Variants in PHF20L1 observed in about 807,000 individuals in gnomAD.
PHF20L1 encodes PHD finger protein 20-like protein 1.
A neutral mutation model predicts 125.5 loss-of-function variants in PHF20L1; 44 were observed. That is an observed-to-expected ratio of 0.35 (90% CI 0.28 to 0.45). The LOEUF is 0.45. PHF20L1 is among the 20% of genes least tolerant of loss of function. The probability of loss-of-function intolerance (pLI) is 1.00; values close to 1 mark genes in which losing one functional copy is unlikely to be tolerated. For missense variants in PHF20L1, 1,012 were observed against 1,217.2 expected (o/e 0.83, Z 2.51); for synonymous variants, 380 against 403.1 (o/e 0.94, Z 0.69).
intron 6 of PHF20L1, 119 bp from the exon 7 acceptor site, chr8:132,803,694 CTATATT>C (rs1262503428): frequency 8.2e-6 from 5 of 608,650 alleles, no homozygotes; most frequent in South Asian, 6.4e-5. Flanking sequence ...ATTGTTATCT[CTATATT>C]TATGTTTATG....
intron 18 of PHF20L1, chr8:132,841,916 G>A (rs1837974785): frequency 1.3e-5 from 2 of 152,164 alleles, no homozygotes; most frequent in Admixed American, 1.3e-4. Context: ...TAGAGTAAAA[G>A]TAAGGGAAAT....
rs1354645741 is a variant in PHF20L1 at position 132,842,286 on chromosome 8, C to T, written c.2388-229C>T. On this transcript the variant is annotated intron_variant, in intron 18 of 20. Coordinates refer to ENST00000395386, the MANE Select transcript of PHF20L1 (RefSeq NM_016018.5). ...TGCATGTATCAAATGATGATGTGAACTATCAACACAATTAAATTTGTTATT... is the reference window on the plus strand; with the variant it reads ...TGCATGTATCAAATGATGATGTGAATTATCAACACAATTAAATTTGTTATT... 2.8e-4 allele frequency: 109 copies of T among 392,640 alleles called. No individual in the cohort carries two copies. In the East Asian group the frequency reaches 4.2e-3, roughly 15 times the overall value. 24.3% of individuals were successfully genotyped at this position (392,640 alleles called of 1,614,324 possible).
At chr8:132,813,952 T>C (rs1834671188) in intron 9 of PHF20L1, among the ~76,000 whole-genome samples, 1 of 151,874 alleles carries the variant, frequency 6.6e-6, no homozygotes, top group Admixed American at 6.6e-5. Context: ...TTAAATCCAA[T>C]GTTTTTAACT....
rs369145174 is a variant in PHF20L1, at chr8:132,804,792, T to TA, written c.847+53dup. 2.0e-4 allele frequency: 290 copies of TA among 1,431,174 alleles called. No homozygotes were observed. The African/African-American group carries it at 3.7e-3, about 18-fold the overall frequency. 88.7% of individuals were successfully genotyped at this position (1,431,174 alleles called of 1,614,324 possible). A position where few individuals can be genotyped will look rare whatever the true frequency, so the allele number is the denominator to read the frequency against. The stretch of plus-strand genomic sequence containing the variant: ...GGGGGGGAAATGGAAGGTTTAATTT[T>TA]AGAGTAATTTATTTTTAATGAAGTA... On this transcript the variant is annotated intron_variant, in intron 8 of 20. Coordinates refer to ENST00000395386, the MANE Select transcript of PHF20L1 (RefSeq NM_016018.5).
chr8:132,823,142 G>A (rs1587001723), intron 12 of PHF20L1, among the ~76,000 whole-genome samples: 1 of 151,890 alleles, frequency 6.6e-6, no homozygotes, highest in South Asian at 2.1e-4. Context: ...ATATTTTAAT[G>A]TATAAGTATG....
intron 2 of PHF20L1, among the ~76,000 whole-genome samples, chr8:132,784,875 T>G (rs1419241035): frequency 6.6e-6 from 1 of 152,204 alleles, no homozygotes; most frequent in Non-Finnish European, 1.5e-5. Flanking sequence ...CCTGAAAGTC[T>G]GGCAAGCCTA....
chr8:132,839,148 G>T (rs1407300538), intron 17 of PHF20L1: 4 of 461,540 alleles, frequency 8.7e-6, no homozygotes, highest in African/African-American at 7.8e-5. Context: ...CCCTTTGCAA[G>T]TGTCATCTGC....
chr8:132,814,716 T>C lies in PHF20L1; in HGVS notation c.1010T>C (p.Leu337Pro), dbSNP rs1448184738. 1 of 1,612,766 alleles carries C rather than the reference T, an allele frequency of 6.2e-7. No homozygotes were observed. The highest frequency in any genetic ancestry group is 1.1e-5 in the South Asian group (1 of 91,024). The change falls in exon 10 of 21, where the codon CTG becomes CCG. Residue 337 changes from leucine to proline, a missense_variant. Around this residue, in one of 7 missense-constraint regions of PHF20L1, gnomAD observed 119 missense variants for 160.2 expected, o/e 0.74. Coordinates refer to ENST00000395386, the MANE Select transcript of PHF20L1 (RefSeq NM_016018.5). ...TCTGCCAACACTCAGAAACCTGCAC[T>C]GTTATCCTCAACTTTGTCTTCAGGG... is the stretch of plus-strand genomic sequence containing the variant. Reference protein sequence around the residue: ...SSSANTQKPALLSSTLSSGKA... With the variant: ...SSSANTQKPAPLSSTLSSGKA...
rs1191749865 is a variant in PHF20L1, at chr8:132,817,484, G to C, written c.1518G>C (p.Gln506His). Residue 506 changes from glutamine to histidine, a missense_variant, in exon 12 of 21, where the codon CAG (glutamine) becomes CAC (histidine). Physicochemically the swap from Gln to His is conservative, Grantham distance 24. Coordinates refer to ENST00000395386, the MANE Select transcript of PHF20L1 (RefSeq NM_016018.5). ...ECPRAEKEDT[Q>H]MLPNPSSKAI... ...CCAGGGCAGAAAAAGAGGATACACAGATGCTTCCAAATCCTTCTTCCAAAG... is the reference window on the plus strand; with the variant it reads ...CCAGGGCAGAAAAAGAGGATACACACATGCTTCCAAATCCTTCTTCCAAAG... 6.2e-7 allele frequency: 1 copy of C among 1,612,368 alleles called. No individual in the cohort carries two copies.
At chr8:132,794,339 A>G (rs763318073) in intron 2 of PHF20L1, 71 bp from the exon 3 acceptor site, 25 of 894,866 alleles carry the variant, frequency 2.8e-5, no homozygotes, top group Non-Finnish European at 4.2e-5. Context: ...ATTCAGCTAA[A>G]TCTATGTATA....
intron 13 of PHF20L1, 170 bp downstream of exon 13, chr8:132,824,230 A>C: frequency 4.6e-6 from 2 of 434,298 alleles, no homozygotes; most frequent in Non-Finnish European, 8.4e-6. Flanking sequence ...TATTAAACAC[A>C]TATCTTGTTT....
intron 17 of PHF20L1, chr8:132,838,500 T>C (rs532424421): frequency 5.3e-5 from 8 of 152,312 alleles, no homozygotes; most frequent in African/African-American, 1.9e-4. Context: ...TGCCTTCTTC[T>C]ATGCTAGAGG....
At position 132,775,529 on chromosome 8, in the gene PHF20L1, C is replaced by A. The variant is rs1363057789; in HGVS notation, c.-154C>A. ...GGCCCCAGCTCGCTCCGCTCCTGCT[C>A]CCTCCCCGGCCGCTGCCTGGGCGGA... is the stretch of plus-strand genomic sequence containing the variant. On this transcript the variant is annotated 5_prime_UTR_variant, in exon 1 of 21. Transcript: ENST00000395386. The A allele has an allele frequency of 8.1e-6, 3 of 372,608 alleles. No individual in the cohort carries two copies. Among genetic ancestry groups the A allele is most frequent in the Non-Finnish European group, 1.4e-5 (3 of 209,256 alleles). The allele number at this position is 372,608 out of a possible 1,614,324, so 23.1% of individuals were successfully genotyped here.
At chr8:132,832,679 A>G (rs1836902131) in intron 15 of PHF20L1, among the ~76,000 whole-genome samples, 1 of 152,110 alleles carries the variant, frequency 6.6e-6, no homozygotes, top group African/African-American at 2.4e-5. Flanking sequence ...ATCAACTGAC[A>G]GAGTAGGTAT....
In PHF20L1 at chr8:132,848,720, C is replaced by G. The variant is rs1838583768; in HGVS notation, c.*2797C>G. The G allele has an allele frequency of 6.7e-6, 1 of 148,602 alleles. No individual in the cohort carries two copies. Among genetic ancestry groups the G allele is most frequent in the South Asian group, 2.3e-4 (1 of 4,428 alleles). The allele number at this position is 148,602 out of a possible 1,614,324, so 9.2% of individuals were successfully genotyped here. A position where few individuals can be genotyped will look rare whatever the true frequency, so the allele number is the denominator to read the frequency against. ...TTTCCTAACACTCATCTTATTTCCA[C>G]TGTCTTATTTCCTCTCAGATGTTCA... On this transcript the variant is annotated 3_prime_UTR_variant, in exon 21 of 21. Transcript: ENST00000395386.
At chr8:132,807,841 T>C (rs1379100649) in intron 8 of PHF20L1, 3 of 448,454 alleles carry the variant, frequency 6.7e-6, no homozygotes, top group African/African-American at 6.0e-5. Context: ...AAATAATTTC[T>C]TGAAGCAGTG....
intron 14 of PHF20L1, among the ~76,000 whole-genome samples, chr8:132,828,945 G>A (rs1836485079): frequency 6.6e-6 from 1 of 152,062 alleles, no homozygotes; most frequent in Non-Finnish European, 1.5e-5. Flanking sequence ...ATCTCTACCA[G>A]GAAGGTCTGA....
At chr8:132,840,244 C>T (rs550025744) in intron 18 of PHF20L1, among the ~76,000 whole-genome samples, 3 of 152,212 alleles carry the variant, frequency 2.0e-5, no homozygotes, top group East Asian at 1.9e-4. Context: ...GCACTTGCCT[C>T]GGCCAGACAC....
chr8:132,824,035 G>A lies in PHF20L1; in HGVS notation c.1611G>A (p.Leu537=), dbSNP rs1318810631. 6.2e-7 allele frequency: 1 copy of A among 1,600,040 alleles called. No homozygotes were observed. Among genetic ancestry groups the A allele is most frequent in the African/African-American group, 1.3e-5 (1 of 74,078 alleles). ...GISKTEKKVK[L]EDKSSTAFGK... is the part of the protein sequence containing the mutation. ...CGAAAACAGAAAAAAAAGTGAAATT[G>A]GAAGACAAAAGCTCAACAGCATTTG... Residue 537 remains leucine, a synonymous_variant, in exon 13 of 21, where the codon TTG becomes TTA. Coordinates refer to ENST00000395386, the MANE Select transcript of PHF20L1 (RefSeq NM_016018.5).
Sources: allele counts gnomAD v4.1 joint callset (sites outside exome capture counted in the v4.1 genomes callset), GRCh38; gene constraint gnomAD v4.1.1; regional missense constraint gnomAD v4.1.1; transcripts MANE v1.5; gene names NCBI Gene and HGNC (gene_info 2026-07-23, HGNC 2026-07-21).